Variants in INTS9 observed in about 807,000 individuals in gnomAD.
The protein encoded by INTS9 is integrator complex subunit 9, also known as protein related to CPSF subunits of 74 kDa.
Under a neutral mutation model 79.7 loss-of-function variants are expected in INTS9, and 55 were observed. That is an observed-to-expected ratio of 0.69 (90% confidence interval 0.56 to 0.86). The LOEUF (loss-of-function observed/expected upper bound fraction) is 0.86. INTS9 is among the 40% of genes least tolerant of loss of function. The probability of loss-of-function intolerance (pLI) is 0.00; values close to 1 mark genes in which losing one functional copy is unlikely to be tolerated. For missense variants in INTS9, 721 were observed against 831.5 expected (o/e 0.87, Z 1.64); for synonymous variants, 319 against 325.2 (o/e 0.98, Z 0.20).
In INTS9 at chr8:28,819,280, G is replaced by A. The variant is rs543482869; in HGVS notation, c.489-5668C>T. On this transcript the variant is annotated intron_variant, in intron 6 of 16. Coordinates refer to ENST00000521022, the MANE Select transcript of INTS9 (RefSeq NM_018250.4). ...TTTTGGATCCTTCCTGCTTTCTCTTGTGGGCATTTAGTGCTATAAATTTCC... is the reference window on the plus strand; with the variant it reads ...TTTTGGATCCTTCCTGCTTTCTCTTATGGGCATTTAGTGCTATAAATTTCC... Among the ~76,000 whole-genome samples, 180 of 152,198 alleles carry A rather than the reference G, an allele frequency of 1.2e-3. 1 individual carries two copies. Among genetic ancestry groups the A allele is most frequent in the African/African-American group, 4.0e-3 (166 of 41,508 alleles).
At chr8:28,870,551 G>A (rs1301120742) in intron 1 of INTS9, among the ~76,000 whole-genome samples, 1 of 152,106 alleles carries the variant, frequency 6.6e-6, no homozygotes, top group Non-Finnish European at 1.5e-5. Context: ...ACTTATTAGT[G>A]TATGTCGGTT....
intron 2 of INTS9, 132 bp downstream of exon 2, chr8:28,859,304 T>A (rs548378126): frequency 9.9e-7 from 1 of 1,011,238 alleles, no homozygotes; most frequent in South Asian, 1.7e-5. Flanking sequence ...GAAATTATTT[T>A]GATAAAGAAC....
rs56837295 is a variant in INTS9 at position 28,793,795 on chromosome 8, C to A, written c.1037+12G>T. On this transcript the variant is annotated intron_variant, in intron 10 of 16. Coordinates refer to ENST00000521022, the MANE Select transcript of INTS9 (RefSeq NM_018250.4). ...TAAAATTCACAAAAAAAAAAAAAAA[C>A]CACGGACATACCACTCAGCAAAGAT... 1.3e-3 allele frequency: 1,866 copies of A among 1,462,482 alleles called. 27 individuals carry two copies. The African/African-American group carries it at 0.024, about 19-fold the overall frequency. 90.6% of individuals were successfully genotyped at this position (1,462,482 alleles called of 1,614,324 possible).
At chr8:28,876,153 T>C (rs1452928474) in intron 1 of INTS9, among the ~76,000 whole-genome samples, 2 of 152,214 alleles carry the variant, frequency 1.3e-5, no homozygotes, top group Non-Finnish European at 2.9e-5. Flanking sequence ...GGCCTATCTC[T>C]GAAGTACAGA....
At chr8:28,831,774 C>G (rs1029226793) in intron 6 of INTS9, among the ~76,000 whole-genome samples, 1 of 152,186 alleles carries the variant, frequency 6.6e-6, no homozygotes, top group African/African-American at 2.4e-5. Context: ...TCTTAGCTCA[C>G]TGCAACCTCT....
intron 1 of INTS9, among the ~76,000 whole-genome samples, chr8:28,881,362 C>T (rs1809782682): frequency 6.9e-6 from 1 of 144,756 alleles, no homozygotes; most frequent in African/African-American, 2.5e-5. Context: ...CGCCTCTGCC[C>T]GGCCGCCCCT....
chr8:28,828,786 C>T (rs1806300529), intron 6 of INTS9, among the ~76,000 whole-genome samples: 1 of 152,038 alleles, frequency 6.6e-6, no homozygotes, highest in African/African-American at 2.4e-5. Context: ...GCAACTTCCA[C>T]CTCCCAGGTT....
intron 10 of INTS9, among the ~76,000 whole-genome samples, chr8:28,792,248 A>G (rs1803956176): frequency 6.6e-6 from 1 of 152,178 alleles, no homozygotes; most frequent in Non-Finnish European, 1.5e-5. Context: ...GTACTTGACT[A>G]CTTGGGAAAA....
chr8:28,882,734 A>G (rs2131388578), intron 1 of INTS9, among the ~76,000 whole-genome samples: 1 of 152,308 alleles, frequency 6.6e-6, no homozygotes, highest in East Asian at 1.9e-4. Context: ...AATACCTATT[A>G]AAGAATAGCT....
intron 2 of INTS9, among the ~76,000 whole-genome samples, chr8:28,855,048 C>T (rs978257507): frequency 6.6e-6 from 1 of 152,128 alleles, no homozygotes; most frequent in African/African-American, 2.4e-5. Context: ...ACATCTTCCA[C>T]GAGGGTTATT....
chr8:28,783,109 C>T (rs977879971), intron 11 of INTS9, among the ~76,000 whole-genome samples: 1 of 140,734 alleles, frequency 7.1e-6, no homozygotes, highest in East Asian at 2.3e-4. Context: ...GGCGCCACTG[C>T]ACTCCAGCCT....
At chr8:28,858,046 T>C (rs562274703) in intron 2 of INTS9, among the ~76,000 whole-genome samples, 8 of 151,904 alleles carry the variant, frequency 5.3e-5, no homozygotes, top group Non-Finnish European at 7.4e-5. Context: ...ATGAGAACAG[T>C]AGAACTGGGT....
chr8:28,783,312 G>A (rs1027776882), intron 11 of INTS9, among the ~76,000 whole-genome samples: 2 of 152,172 alleles, frequency 1.3e-5, no homozygotes, highest in African/African-American at 4.8e-5. Flanking sequence ...TGACTAGATG[G>A]CATCTTGTAA....
At chr8:28,774,827 T>C (rs1378557303) in intron 14 of INTS9, among the ~76,000 whole-genome samples, 2 of 152,228 alleles carry the variant, frequency 1.3e-5, no homozygotes, top group Non-Finnish European at 2.9e-5. Context: ...CTCAACGCTG[T>C]CTTTCAGGAG....
intron 14 of INTS9, among the ~76,000 whole-genome samples, chr8:28,774,457 G>A (rs1449914706): frequency 1.3e-5 from 2 of 152,208 alleles, no homozygotes; most frequent in East Asian, 3.8e-4. Context: ...CTGGCTTAGA[G>A]AGTTGAAATC....
intron 8 of INTS9, among the ~76,000 whole-genome samples, chr8:28,806,224 T>C (rs1024011678): frequency 2.6e-5 from 4 of 152,020 alleles, no homozygotes; most frequent in Admixed American, 2.6e-4. Flanking sequence ...AGCAAGACCT[T>C]GTCTCAAAAA....
chr8:28,820,916 TA>T (rs34592655), intron 6 of INTS9, among the ~76,000 whole-genome samples: 30,688 of 150,884 alleles, frequency 0.2, 3,505 homozygotes, highest in East Asian at 0.46. Context: ...GGTAAAAGTG[TA>T]AAAAAAAAGT....
intron 14 of INTS9, among the ~76,000 whole-genome samples, chr8:28,772,454 A>G (rs978742687): frequency 6.6e-6 from 1 of 152,172 alleles, no homozygotes; most frequent in Non-Finnish European, 1.5e-5. Flanking sequence ...CAGAGGTTGC[A>G]GTGAGCCAAG....
chr8:28,835,497 A>G (rs528337906), intron 5 of INTS9, 119 bp from the exon 6 acceptor site: 3 of 635,206 alleles, frequency 4.7e-6, no homozygotes, highest in African/African-American at 3.6e-5. Flanking sequence ...TTTCATCATC[A>G]TCTTCCTCTC....
Sources: gnomAD v4.1 joint callset for allele counts (sites outside exome capture counted in the v4.1 genomes callset) on GRCh38, gnomAD v4.1.1 for gene constraint, MANE v1.5 for transcripts, NCBI Gene and HGNC (gene_info 2026-07-23, HGNC 2026-07-21) for gene names.